SMARCA2: variants seen among roughly 807,000 people sequenced by gnomAD.
The protein encoded by SMARCA2 is SWI/SNF-related matrix-associated actin-dependent regulator of chromatin subfamily A member 2.
Under a neutral mutation model 199.8 loss-of-function variants are expected in SMARCA2, and 61 were observed. That is an observed-to-expected ratio of 0.31 (90% CI 0.25 to 0.38). SMARCA2 has a LOEUF of 0.38. Among genes scored for constraint, SMARCA2 ranks in the 10% least tolerant of loss-of-function variants. The probability of loss-of-function intolerance (pLI) is 1.00; values close to 1 mark genes in which losing one functional copy is unlikely to be tolerated. For missense variants in SMARCA2, 1,344 were observed against 2,012.2 expected (o/e 0.67, Z 6.35); for synonymous variants, 935 against 732.0 (o/e 1.28, Z -4.48).
chr9:2,091,563 C>G (rs539336959), intron 19 of SMARCA2, among the ~76,000 whole-genome samples: 2 of 152,098 alleles, frequency 1.3e-5, no homozygotes, highest in African/African-American at 4.8e-5. Context: ...ATAAACTTTT[C>G]ATGTACAGGT....
At chr9:2,182,441 C>T (rs970867911) in intron 31 of SMARCA2, among the ~76,000 whole-genome samples, 199 bp downstream of exon 31, 1 of 148,266 alleles carries the variant, frequency 6.7e-6, no homozygotes, top group African/African-American at 2.5e-5. Context: ...CACAGCTGTG[C>T]TAGCGCCTAC....
At chr9:2,031,460 T>C (rs1271422965) in intron 2 of SMARCA2, among the ~76,000 whole-genome samples, 1 of 152,208 alleles carries the variant, frequency 6.6e-6, no homozygotes, top group Non-Finnish European at 1.5e-5. Flanking sequence ...ACCTTCAAAA[T>C]GAAAGATAAA....
At chr9:2,069,273 T>C (rs962894605) in intron 9 of SMARCA2, among the ~76,000 whole-genome samples, 2 of 151,532 alleles carry the variant, frequency 1.3e-5, no homozygotes, top group Admixed American at 1.3e-4. Flanking sequence ...TAGAAGTTAA[T>C]GGACTAAGAT....
intron 4 of SMARCA2, among the ~76,000 whole-genome samples, chr9:2,046,298 C>G (rs969872160): frequency 9.2e-5 from 14 of 152,252 alleles, no homozygotes; most frequent in African/African-American, 3.1e-4. Flanking sequence ...AACTTAAACT[C>G]CTGAAGTTCA....
intron 29 of SMARCA2, among the ~76,000 whole-genome samples, chr9:2,172,600 C>G (rs1826315632): frequency 6.6e-6 from 1 of 152,150 alleles, no homozygotes; most frequent in African/African-American, 2.4e-5. Flanking sequence ...AGCCTGAGAA[C>G]AGATCCCGGA....
intron 27 of SMARCA2, among the ~76,000 whole-genome samples, chr9:2,141,249 A>G (rs952744309): frequency 2.0e-5 from 3 of 152,194 alleles, no homozygotes; most frequent in Non-Finnish European, 4.4e-5. Flanking sequence ...GAAGCTATAA[A>G]TAGACAGCAC....
chr9:2,144,315 C>A (rs574090823), intron 27 of SMARCA2, among the ~76,000 whole-genome samples: 48 of 152,220 alleles, frequency 3.2e-4, no homozygotes, highest in Admixed American at 2.8e-3. Flanking sequence ...CGTACTGTGA[C>A]TGTTAAACTT....
intron 24 of SMARCA2, among the ~76,000 whole-genome samples, chr9:2,114,485 T>C (rs1012934116): frequency 2.6e-5 from 4 of 152,192 alleles, no homozygotes; most frequent in Admixed American, 2.6e-4. Flanking sequence ...ATCAGCTCTC[T>C]GCAAATTATG....
intron 7 of SMARCA2, among the ~76,000 whole-genome samples, chr9:2,057,597 C>T (rs1223866601): frequency 6.6e-6 from 1 of 152,114 alleles, no homozygotes; most frequent in South Asian, 2.1e-4. Flanking sequence ...ATAATAGTGT[C>T]CTGGCTTCTC....
chr9:2,180,814 A>G (rs1826969265), intron 29 of SMARCA2, among the ~76,000 whole-genome samples: 2 of 152,188 alleles, frequency 1.3e-5, no homozygotes, highest in South Asian at 2.1e-4. Context: ...GTTGCTATAG[A>G]ACCTGCTTTC....
chr9:2,168,775 A>C (rs1826074276), intron 28 of SMARCA2, among the ~76,000 whole-genome samples: 1 of 152,004 alleles, frequency 6.6e-6, no homozygotes, highest in South Asian at 2.1e-4. Context: ...TTTTTTCCCC[A>C]AGCCAATCAG....
At chr9:2,112,794 A>G (rs773606456) in intron 24 of SMARCA2, among the ~76,000 whole-genome samples, 3 of 152,216 alleles carry the variant, frequency 2.0e-5, no homozygotes, top group Admixed American at 1.3e-4. Context: ...GGAATCAGTG[A>G]TTTTATAGTG....
chr9:2,180,433 C>G (rs1465537544), intron 29 of SMARCA2, among the ~76,000 whole-genome samples: 5 of 152,146 alleles, frequency 3.3e-5, no homozygotes, highest in East Asian at 1.9e-4. Context: ...AATTATACAA[C>G]TGGGACTGTG....
At chr9:2,143,987 G>A (rs754188323) in intron 27 of SMARCA2, among the ~76,000 whole-genome samples, 4 of 152,076 alleles carry the variant, frequency 2.6e-5, no homozygotes, top group African/African-American at 7.2e-5. Context: ...GGCATAGCAC[G>A]GGGAACTCAC....
chr9:2,151,110 A>G (rs1283579102), intron 27 of SMARCA2, among the ~76,000 whole-genome samples: 4 of 151,494 alleles, frequency 2.6e-5, no homozygotes, highest in Non-Finnish European at 4.4e-5. Context: ...AACTTCACAA[A>G]TCACTATGTA....
intron 9 of SMARCA2, among the ~76,000 whole-genome samples, chr9:2,068,127 T>C (rs1820924406): frequency 6.6e-6 from 1 of 152,210 alleles, no homozygotes; most frequent in Non-Finnish European, 1.5e-5. Flanking sequence ...TGAGTATAGA[T>C]TCTGAGAACT....
intron 27 of SMARCA2, among the ~76,000 whole-genome samples, chr9:2,145,834 G>A (rs1824715115): frequency 6.6e-6 from 1 of 152,122 alleles, no homozygotes; most frequent in Admixed American, 6.5e-5. Context: ...TTTGTAAGAA[G>A]AAAAAATCAA....
intron 24 of SMARCA2, among the ~76,000 whole-genome samples, chr9:2,113,913 A>G (rs781153970): frequency 3.9e-5 from 6 of 152,208 alleles, no homozygotes; most frequent in Non-Finnish European, 8.8e-5. Context: ...AATGGTTTTC[A>G]CTTTTTAAAG....
intron 2 of SMARCA2, among the ~76,000 whole-genome samples, chr9:2,031,255 T>G (rs1274025409): frequency 6.6e-6 from 1 of 152,230 alleles, no homozygotes; most frequent in Non-Finnish European, 1.5e-5. Flanking sequence ...TTGTCAGAGA[T>G]CTAGAGAAAT....
Sources: gnomAD v4.1 joint callset for allele counts (sites outside exome capture counted in the v4.1 genomes callset) on GRCh38, gnomAD v4.1.1 for gene constraint, MANE v1.5 for transcripts, NCBI Gene and HGNC (gene_info 2026-07-23, HGNC 2026-07-21) for gene names.